PRRC2B: variants seen among roughly 807,000 people sequenced by gnomAD.
PRRC2B encodes proline rich coiled-coil 2B, also known as protein PRRC2B.
Under a neutral mutation model 242.3 loss-of-function variants are expected in PRRC2B, and 68 were observed. The ratio of observed to expected loss-of-function variants is 0.28; its 90% CI spans 0.23 to 0.34. The LOEUF is 0.34. Ranked by LOEUF, PRRC2B falls within the 10% of genes least tolerant of loss-of-function variation. The pLI, the probability that PRRC2B is intolerant of heterozygous loss-of-function variation, is 1.00. For missense variants in PRRC2B, 2,835 were observed against 2,954.8 expected (o/e 0.96, Z 0.94); for synonymous variants, 1,228 against 1,173.6 (o/e 1.05, Z -0.95).
In PRRC2B at chr9:131,496,626, GA is replaced by G. The variant is rs374812591; in HGVS notation, c.*753del. The G allele has an allele frequency of 8.2e-4, 117 of 142,310 alleles. 1 individual carries two copies. Among genetic ancestry groups the G allele is most frequent in the Admixed American group, 4.3e-3 (62 of 14,262 alleles). The allele number at this position is 142,310 out of a possible 1,614,324, so 8.8% of individuals were successfully genotyped here. A position where few individuals can be genotyped will look rare whatever the true frequency, so the allele number is the denominator to read the frequency against. ...GCTCAGAGCAGCAGGCAGGTTGGGG[GA>G]GGGGGGGGGTCATAGTTGGGTTCCA... is the stretch of plus-strand genomic sequence containing the variant. On this transcript the variant is annotated 3_prime_UTR_variant, in exon 32 of 32. Transcript: ENST00000683519.
At chr9:131,472,598 T>C (rs529886731) in intron 14 of PRRC2B, among the ~76,000 whole-genome samples, 1 of 150,226 alleles carries the variant, frequency 6.7e-6, no homozygotes, top group Middle Eastern at 3.4e-3. Flanking sequence ...TGCCTCAGCC[T>C]CCTGAGTAGC....
intron 19 of PRRC2B, among the ~76,000 whole-genome samples, chr9:131,480,723 T>G (rs1418682458): frequency 6.6e-6 from 1 of 151,994 alleles, no homozygotes; most frequent in Non-Finnish European, 1.5e-5. Context: ...GTAGCTGGGA[T>G]TGCAGATATG....
chr9:131,391,799 G>A (rs1229362958), upstream of PRRC2B, among the ~76,000 whole-genome samples: 2 of 152,142 alleles, frequency 1.3e-5, no homozygotes, highest in African/African-American at 4.8e-5. Context: ...GGAGTGAAGT[G>A]GCGTGCTCTT....
intron 14 of PRRC2B, among the ~76,000 whole-genome samples, chr9:131,471,789 C>G (rs191617659): frequency 6.6e-6 from 1 of 152,330 alleles, no homozygotes; most frequent in East Asian, 1.9e-4. Flanking sequence ...CATGGCAATT[C>G]TTTTTTAACA....
Position 131,375,937 on chromosome 9 carries a change from T to A in PRRC2B, c.-56+2206T>A, listed in dbSNP as rs181685005. On this transcript the variant is annotated intron_variant, in intron 1 of 1. Coordinates refer to the PRRC2B transcript ENST00000682525. Reference sequence around the variant, plus strand: ...GGTGGCGATTGCCTGTAATCCCAGCTACTTGGGAGGCTGAGGCAGGAGAAT... The same window carrying A: ...GGTGGCGATTGCCTGTAATCCCAGCAACTTGGGAGGCTGAGGCAGGAGAAT... Among the ~76,000 whole-genome samples the A allele has an allele frequency of 2.6e-3, 392 of 148,632 alleles. 3 individuals carry two copies. The highest frequency in any genetic ancestry group is 9.3e-3 in the African/African-American group (373 of 40,026).
intron 16 of PRRC2B, among the ~76,000 whole-genome samples, chr9:131,477,390 C>T (rs759889857): frequency 3.3e-5 from 5 of 152,228 alleles, no homozygotes; most frequent in Admixed American, 6.5e-5. Context: ...AGTTTTCTGC[C>T]CCAAGGGCCC....
chr9:131,428,517 C>G (rs1233449258), intron 1 of PRRC2B, among the ~76,000 whole-genome samples: 1 of 152,212 alleles, frequency 6.6e-6, no homozygotes, highest in Admixed American at 6.5e-5. Context: ...ATGTCTCAGC[C>G]TCCTGAGTAG....
At chr9:131,447,283 A>G (rs1432713158) in intron 8 of PRRC2B, 77 bp downstream of exon 8, 3 of 1,559,570 alleles carry the variant, frequency 1.9e-6, no homozygotes, top group African/African-American at 2.7e-5. Flanking sequence ...GGGCTGATGA[A>G]TAGAAGTGCT....
At chr9:131,396,621 C>T (rs1480902532) in intron 1 of PRRC2B, among the ~76,000 whole-genome samples, 1 of 152,164 alleles carries the variant, frequency 6.6e-6, no homozygotes, top group African/African-American at 2.4e-5. Flanking sequence ...CTACCGCGCC[C>T]GGTCTTCTTT....
At chr9:131,402,385 A>G (rs1837250729) in intron 1 of PRRC2B, among the ~76,000 whole-genome samples, 1 of 152,178 alleles carries the variant, frequency 6.6e-6, no homozygotes, top group Non-Finnish European at 1.5e-5. Flanking sequence ...TTAGCATAGT[A>G]TTTCCAAGGT....
At position 131,387,356 on chromosome 9, in the gene PRRC2B, T is replaced by C. The variant is rs775889436; in HGVS notation, c.-56+13625T>C. Among the ~76,000 whole-genome samples the C allele has an allele frequency of 8.5e-4, 127 of 150,206 alleles. 6 individuals are homozygous for C. The highest frequency in any genetic ancestry group is 8.6e-4 in the Non-Finnish European group (58 of 67,514). ...TGTTTTATGTTCCGTGGCAGCTGAT[T>C]GGATTGTGCCCACCAGATTAAGGGT... On this transcript the variant is annotated intron_variant, in intron 1 of 1. Coordinates refer to the PRRC2B transcript ENST00000682525.
At chr9:131,384,264 T>TTGTATGTATGTATGTATGTA (rs72496921) in intron 1 of PRRC2B, among the ~76,000 whole-genome samples, 2 of 149,126 alleles carry the variant, frequency 1.3e-5, no homozygotes, top group Non-Finnish European at 3.0e-5. Context: ...TGGCTAATTT[T>TTGTATGTATGTATGTATGTA]TGTATGTATG....
upstream of PRRC2B, among the ~76,000 whole-genome samples, chr9:131,391,587 A>G (rs1389517077): frequency 6.6e-6 from 1 of 152,152 alleles, no homozygotes; most frequent in African/African-American, 2.4e-5. Context: ...TTGCCTCCAC[A>G]AAGTCTACTT....
intron 17 of PRRC2B, 97 bp downstream of exon 17, chr9:131,478,046 T>G: frequency 9.1e-7 from 1 of 1,103,784 alleles, no homozygotes; most frequent in Non-Finnish European, 1.3e-6. Context: ...ACTGAGTACC[T>G]TAGCTTTCGG....
At chr9:131,428,199 C>T (rs764895283) in intron 1 of PRRC2B, among the ~76,000 whole-genome samples, 21 of 151,302 alleles carry the variant, frequency 1.4e-4, no homozygotes, top group Non-Finnish European at 3.1e-4. Context: ...GGATTATAGG[C>T]GTGAGCCACC....
chr9:131,442,095 GT>G (rs1291744103), intron 5 of PRRC2B, among the ~76,000 whole-genome samples: 1 of 151,870 alleles, frequency 6.6e-6, no homozygotes, highest in African/African-American at 2.4e-5. Context: ...ACAGGTGCTG[GT>G]TTTTTTCCTA....
chr9:131,428,678 T>C (rs1436589264), intron 1 of PRRC2B, among the ~76,000 whole-genome samples: 1 of 152,062 alleles, frequency 6.6e-6, no homozygotes, highest in Non-Finnish European at 1.5e-5. Context: ...ATTATAGGTG[T>C]GAACCACCAT....
intron 1 of PRRC2B, among the ~76,000 whole-genome samples, chr9:131,379,225 G>C (rs541649703): frequency 1.3e-5 from 2 of 152,158 alleles, no homozygotes; most frequent in East Asian, 3.9e-4. Context: ...TCTGCCTTTG[G>C]CTATTGTGAA....
At chr9:131,430,531 C>CT (rs1838116288) in intron 2 of PRRC2B, among the ~76,000 whole-genome samples, 3 of 133,022 alleles carry the variant, frequency 2.3e-5, no homozygotes, top group Non-Finnish European at 3.3e-5. Flanking sequence ...AGATAGATAT[C>CT]TATCTATAGA....
Sources: gnomAD v4.1 joint callset for allele counts (sites outside exome capture counted in the v4.1 genomes callset) on GRCh38, gnomAD v4.1.1 for gene constraint, MANE v1.5 for transcripts, NCBI Gene and HGNC (gene_info 2026-07-23, HGNC 2026-07-21) for gene names.